Variants in CACNA1A observed in about 807,000 individuals in gnomAD.
CACNA1A encodes voltage-dependent P/Q-type calcium channel subunit alpha-1A.
CACNA1A carries 57 observed loss-of-function variants against 262.4 expected under a neutral mutation model. The observed-to-expected ratio is 0.22, with a 90% CI of 0.18 to 0.27. The LOEUF (loss-of-function observed/expected upper bound fraction) is 0.27, where lower values mean the gene tolerates loss of function less well. CACNA1A is among the 10% of genes least tolerant of loss of function. The probability of loss-of-function intolerance (pLI) is 1.00; values close to 1 mark genes in which losing one functional copy is unlikely to be tolerated. For synonymous variants in CACNA1A, 1,431 were observed against 1,419.3 expected, an observed-to-expected ratio of 1.01 and a Z score of -0.18; for missense variants, 2,526 against 3,562.8, an observed-to-expected ratio of 0.71 and a Z score of 7.41.
At chr19:13,351,701 G>A (rs2058911334) in intron 6 of CACNA1A, among the ~76,000 whole-genome samples, 1 of 152,242 alleles carries the variant, frequency 6.6e-6, no homozygotes, top group South Asian at 2.1e-4. Context: ...GTAGAGACGG[G>A]GTTTCACCCT....
In CACNA1A at chr19:13,336,379, G is replaced by C. The variant is rs1246421061; in HGVS notation, c.979-470C>G. On this transcript the variant is annotated intron_variant, in intron 6 of 46. Coordinates refer to ENST00000360228, the MANE Select transcript of CACNA1A (RefSeq NM_001127222.2). ...GATGGTCCATGAGCCCTTTCCTCAA[G>C]TGTCTCCCTGCTCCATTCCCTGCAG... is the stretch of plus-strand genomic sequence containing the variant. Among the ~76,000 whole-genome samples the C allele has an allele frequency of 2.0e-4, 31 of 152,152 alleles. 1 individual carries two copies. The highest frequency in any genetic ancestry group is 7.3e-5 in the Non-Finnish European group (5 of 68,046).
chr19:13,305,466 C>A (rs4433935), intron 15 of CACNA1A, among the ~76,000 whole-genome samples: 4 of 152,012 alleles, frequency 2.6e-5, no homozygotes, highest in African/African-American at 9.7e-5. Context: ...CTATCCATAT[C>A]CCCATGAGGA....
At chr19:13,429,164 GCGTACACA>G (rs1360897750) in intron 3 of CACNA1A, among the ~76,000 whole-genome samples, 1 of 106,100 alleles carries the variant, frequency 9.4e-6, no homozygotes, top group Non-Finnish European at 1.9e-5. Context: ...CTATCACTGT[GCGTACACA>G]CACACACACA....
chr19:13,207,900 G>A lies in CACNA1A; in HGVS notation c.6934C>T (p.Pro2312Ser), dbSNP rs2054626813. The change falls in exon 47 of 47, where the codon CCG (proline) becomes TCG (serine). Residue 2312 changes from proline to serine, a missense_variant. By Grantham distance (74) the Pro-to-Ser change is moderately conservative (BLOSUM62 -1). Around this residue, in one of 17 missense-constraint regions of CACNA1A, gnomAD observed 929 missense variants for 868.1 expected, o/e 1.07. Transcript: ENST00000360228. This position sits in a 1 kb window ranked among gnomAD's most constrained non-coding sequence, Gnocchi z 5.7. The part of the protein sequence containing the change: ...VIRKAGGSGP[P>S]QQQQQQQQQQ... ...TGCTGCTGCTGCTGCTGCTGCTGCG[G>A]GGGCCCCGAGCCGCCGGCCTTACGG... 1 of 1,468,480 alleles carries A rather than the reference G, an allele frequency of 6.8e-7. No homozygotes were observed. Among genetic ancestry groups the A allele is most frequent in the Non-Finnish European group, 9.0e-7 (1 of 1,115,308 alleles). 91.0% of individuals were successfully genotyped at this position (1,468,480 alleles called of 1,614,324 possible).
At chr19:13,362,014 C>T (rs2059119542) in intron 5 of CACNA1A, 1 of 136,578 alleles carries the variant, frequency 7.3e-6, no homozygotes, top group African/African-American at 2.7e-5. Flanking sequence ...TTCTTTCCTT[C>T]CTCTCTCTCT....
chr19:13,460,822 C>T (rs974429553), intron 1 of CACNA1A, among the ~76,000 whole-genome samples: 10 of 152,120 alleles, frequency 6.6e-5, no homozygotes, highest in Non-Finnish European at 8.8e-5. Flanking sequence ...TAGGCCTTTA[C>T]TCAAAGGTCA....
chr19:13,274,527 A>G (rs2057100366), intron 24 of CACNA1A: 1 of 152,260 alleles, frequency 6.6e-6, no homozygotes, highest in Non-Finnish European at 1.5e-5. Context: ...ATCATTCACC[A>G]TGATGGGCAC....
intron 1 of CACNA1A, among the ~76,000 whole-genome samples, chr19:13,468,247 C>G (rs1477854510): frequency 6.6e-6 from 1 of 152,078 alleles, no homozygotes; most frequent in Non-Finnish European, 1.5e-5. Context: ...AGATTCCAAA[C>G]AAGAACTGAA....
intron 19 of CACNA1A, among the ~76,000 whole-genome samples, chr19:13,289,566 G>A (rs1568498759): frequency 6.6e-6 from 1 of 152,126 alleles, no homozygotes; most frequent in Non-Finnish European, 1.5e-5. Context: ...ATATCCTGGA[G>A]ACTGAAGCAA....
In CACNA1A at chr19:13,207,181, G is replaced by C; in HGVS notation, c.*132C>G. The stretch of plus-strand genomic sequence containing the variant: ...TTGTGGCCCAGCCCTGGCCTCTCCA[G>C]AGTCTGGGGTCTCCCGGCTGGCCCT... On this transcript the variant is annotated 3_prime_UTR_variant, in exon 47 of 47. Transcript: ENST00000360228. The surrounding 1 kb of genome is among the most constrained non-coding windows in gnomAD (Gnocchi z 5.7). The C allele has an allele frequency of 4.9e-6, 5 of 1,015,156 alleles. No homozygotes were observed. Among genetic ancestry groups the C allele is most frequent in the Non-Finnish European group, 5.4e-6 (4 of 745,934 alleles). 62.9% of individuals were successfully genotyped at this position (1,015,156 alleles called of 1,614,324 possible).
rs753348735 is a variant in CACNA1A, at chr19:13,286,959, G to C, written c.3097C>G (p.Gln1033Glu). The C allele has an allele frequency of 6.3e-7, 1 of 1,595,028 alleles. No individual in the cohort carries two copies. The change falls in exon 20 of 47, where the codon CAG becomes GAG. Residue 1033 changes from glutamine (Q) to glutamate (E), a missense_variant. Physicochemically the swap from Gln to Glu is conservative, Grantham distance 29. This residue lies in a region of CACNA1A where 765 missense variants were observed against 748.6 expected (regional missense o/e 1.02). Transcript: ENST00000360228. ...CCCGACACAGGGACCCCGGAGCCCTGGTTCTCTCTGAGGAAGGCAAGTGAA... is the reference window on the plus strand; with the variant it reads ...CCCGACACAGGGACCCCGGAGCCCTCGTTCTCTCTGAGGAAGGCAAGTGAA... Reference protein sequence around the residue: ...ERRHRRRKENQGSGVPVSGPN... With the variant: ...ERRHRRRKENEGSGVPVSGPN...
At chr19:13,250,802 C>A (rs1348733810) in intron 30 of CACNA1A, among the ~76,000 whole-genome samples, 2 of 152,230 alleles carry the variant, frequency 1.3e-5, no homozygotes, top group African/African-American at 4.8e-5. Context: ...ATAGCAAGGG[C>A]TTCAAGGTTA....
chr19:13,382,352 G>A (rs1032104278), intron 3 of CACNA1A, among the ~76,000 whole-genome samples: 8 of 152,068 alleles, frequency 5.3e-5, no homozygotes, highest in South Asian at 2.1e-4. Flanking sequence ...TTCAAGCCTC[G>A]GAAATGCAGA....
intron 3 of CACNA1A, among the ~76,000 whole-genome samples, chr19:13,372,784 G>A (rs1421220411): frequency 6.6e-6 from 1 of 152,170 alleles, no homozygotes; most frequent in East Asian, 1.9e-4. Flanking sequence ...TGCTTGTGTG[G>A]ACCAGCCAGC....
At chr19:13,317,855 C>G (rs557221739) in intron 10 of CACNA1A, among the ~76,000 whole-genome samples, 5 of 152,346 alleles carry the variant, frequency 3.3e-5, no homozygotes, top group Non-Finnish European at 7.3e-5. Flanking sequence ...GTGCCAGGCT[C>G]TGTTCCAGGG....
intron 10 of CACNA1A, among the ~76,000 whole-genome samples, chr19:13,319,896 G>C (rs2058212086): frequency 6.6e-6 from 1 of 152,198 alleles, no homozygotes; most frequent in Non-Finnish European, 1.5e-5. Flanking sequence ...AACCAGTGAA[G>C]ATGTGTCAAG....
At chr19:13,220,724 C>T (rs1049664193) in intron 38 of CACNA1A, among the ~76,000 whole-genome samples, 4 of 152,116 alleles carry the variant, frequency 2.6e-5, no homozygotes, top group Non-Finnish European at 5.9e-5. Flanking sequence ...ATCCCAGTCC[C>T]CAGTGATCCT....
In CACNA1A at chr19:13,234,988, C is replaced by T. The variant is rs1436816057; in HGVS notation, c.5182G>A (p.Asp1728Asn). The change falls in exon 34 of 47, where the codon GAT becomes AAT. Residue 1728 changes from aspartate (D) to asparagine (N), a missense_variant. This residue lies in a region of CACNA1A where 17 missense variants were observed against 16.5 expected (regional missense o/e 1.03). Coordinates refer to ENST00000360228, the MANE Select transcript of CACNA1A (RefSeq NM_001127222.2). ...IDVEDEDSDEDEFQITEHNNF... is the reference protein window; with the variant it reads ...IDVEDEDSDENEFQITEHNNF... ...TTGTGCTCAGTGATTTGGAACTCATCTTCATCACTGTCCTCGTCCTCCACG... is the reference window on the plus strand; with the variant it reads ...TTGTGCTCAGTGATTTGGAACTCATTTTCATCACTGTCCTCGTCCTCCACG... 2 of 1,613,966 alleles carry T rather than the reference C, an allele frequency of 1.2e-6. No individual in the cohort carries two copies. Among genetic ancestry groups the T allele is most frequent in the Non-Finnish European group, 1.7e-6 (2 of 1,179,822 alleles).
chr19:13,322,709 C>A (rs1293530841), intron 10 of CACNA1A, among the ~76,000 whole-genome samples: 1 of 152,086 alleles, frequency 6.6e-6, no homozygotes, highest in Non-Finnish European at 1.5e-5. Context: ...AATTCTCCTG[C>A]CTCAGCCTCC....
Sources: allele counts gnomAD v4.1 joint callset (sites outside exome capture counted in the v4.1 genomes callset), GRCh38; gene constraint gnomAD v4.1.1; regional missense constraint gnomAD v4.1.1; non-coding constraint Gnocchi (gnomAD v3.1); transcripts MANE v1.5; gene names NCBI Gene and HGNC (gene_info 2026-07-23, HGNC 2026-07-21).